The following KIAA1586 variants were observed in gnomAD, a reference collection of about 807,000 sequenced individuals.
KIAA1586 encodes the protein E3 SUMO-protein ligase KIAA1586.
KIAA1586 carries 5 observed loss-of-function variants against 6.1 expected under a neutral mutation model. The observed-to-expected ratio is 0.82, with a 90% CI of 0.43 to 1.73. The LOEUF is 1.73. KIAA1586 is among the 40% of genes most tolerant of loss of function. The pLI is 0.02. For synonymous variants in KIAA1586, 280 were observed against 301.7 expected (o/e 0.93, Z 0.75); for missense variants, 899 against 878.2 (o/e 1.02, Z -0.30).
rs1278722611 is a variant in KIAA1586 at position 57,050,810 on chromosome 6, C to G, written c.142C>G (p.Leu48Val). 1 of 1,613,356 alleles carries G rather than the reference C, an allele frequency of 6.2e-7. No individual in the cohort carries two copies. The highest frequency in any genetic ancestry group is 2.2e-5 in the East Asian group (1 of 44,848). The change falls in exon 3 of 4, where the codon CTG (leucine) becomes GTG (valine). Residue 48 changes from leucine (L) to valine (V), a missense_variant. Coordinates refer to ENST00000370733, the MANE Select transcript of KIAA1586 (RefSeq NM_020931.4). ...GAGACCTGTTCTTGAATACATCGAT[C>G]TGGTCTGTGGTGATGATGAAAACCC... ...PSRPVLEYIDLVCGDDENPSA... is the reference protein window; with the variant it reads ...PSRPVLEYIDVVCGDDENPSA...
downstream of KIAA1586, among the ~76,000 whole-genome samples, chr6:57,058,439 C>A (rs1293447455): frequency 6.6e-6 from 1 of 152,038 alleles, no homozygotes; most frequent in East Asian, 1.9e-4. Context: ...TCTTATATAC[C>A]CTGTCAGTTG....
downstream of KIAA1586, among the ~76,000 whole-genome samples, chr6:57,059,839 A>G (rs964366659): frequency 1.3e-5 from 2 of 152,144 alleles, no homozygotes; most frequent in Non-Finnish European, 2.9e-5. Context: ...TGGCCCAACC[A>G]TTTCCCTTGA....
At chr6:57,058,316 C>A (rs1232506489), downstream of KIAA1586, among the ~76,000 whole-genome samples, 1 of 152,132 alleles carries the variant, frequency 6.6e-6, no homozygotes, top group East Asian at 1.9e-4. Context: ...ATGGTCTCTA[C>A]AACAAATTGT....
chr6:57,056,451 C>T (rs533646271), downstream of KIAA1586, among the ~76,000 whole-genome samples: 12 of 152,038 alleles, frequency 7.9e-5, no homozygotes, highest in African/African-American at 2.9e-4. Context: ...TCAGGTGATG[C>T]GCCTGCCTCA....
Position 57,054,644 on chromosome 6 carries a change from C to G in KIAA1586, c.2145C>G (p.Asn715Lys). The change falls in exon 4 of 4, where the codon AAC becomes AAG. Residue 715 changes from asparagine to lysine, a missense_variant. Coordinates refer to ENST00000370733, the MANE Select transcript of KIAA1586 (RefSeq NM_020931.4). ...AEAERGFNLM[N>K]IICTRVRNSL... ...CTGAAAGGGGTTTCAATTTAATGAA[C>G]ATAATTTGTACAAGGGTGAGAAATA... 6.3e-7 allele frequency: 1 copy of G among 1,577,264 alleles called. No homozygotes were observed. Among genetic ancestry groups the G allele is most frequent in the African/African-American group, 1.4e-5 (1 of 73,946 alleles).
the KIAA1586 span, among the ~76,000 whole-genome samples, chr6:57,062,088 C>A: frequency 6.6e-6 from 1 of 151,970 alleles, no homozygotes; most frequent in Non-Finnish European, 1.5e-5. Flanking sequence ...CGTGCCACCA[C>A]GTTGGGCTAA....
downstream of KIAA1586, among the ~76,000 whole-genome samples, chr6:57,058,489 T>C (rs1342443204): frequency 6.6e-6 from 1 of 152,218 alleles, no homozygotes; most frequent in Non-Finnish European, 1.5e-5. Flanking sequence ...TACTGTACTG[T>C]TAACTCCAAG....
Position 57,054,074 on chromosome 6 carries a change from C to A in KIAA1586, c.1575C>A (p.Asp525Glu). The change falls in exon 4 of 4, where the codon GAC (aspartate) becomes GAA (glutamate). Residue 525 changes from aspartate to glutamate, a missense_variant. Asp to Glu is a conservative substitution (Grantham distance 45). Coordinates refer to ENST00000370733, the MANE Select transcript of KIAA1586 (RefSeq NM_020931.4). ...TAGCTAACATTAATTTCTTACAAGA[C>A]CTTGCTTTAATGATTGACATTCTTG... The part of the protein sequence containing the change: ...KRLANINFLQ[D>E]LALMIDILEE... The A allele has an allele frequency of 6.2e-7, 1 of 1,610,808 alleles. No individual in the cohort carries two copies. Among genetic ancestry groups the A allele is most frequent in the African/African-American group, 1.3e-5 (1 of 74,856 alleles).
In KIAA1586 at chr6:57,046,781, G is replaced by C; in HGVS notation, c.21+5G>C. 3.7e-6 allele frequency: 6 copies of C among 1,611,006 alleles called. No homozygotes were observed. Among genetic ancestry groups the C allele is most frequent in the Non-Finnish European group, 5.1e-6 (6 of 1,179,128 alleles). On this transcript the variant is annotated splice_donor_5th_base_variant and intron_variant, in intron 1 of 3. Transcript: ENST00000370733. ...ATGGGAGACCCGGGGTCGGAAGTGA[G>C]TAGTCGAGTGAGGGTCCTGGCGTTC...
At chr6:57,066,563 T>G in the KIAA1586 span, among the ~76,000 whole-genome samples, 1 of 152,182 alleles carries the variant, frequency 6.6e-6, no homozygotes, top group African/African-American at 2.4e-5. Flanking sequence ...TTTTCCTGGC[T>G]GATAATGTTT....
downstream of KIAA1586, among the ~76,000 whole-genome samples, chr6:57,060,090 A>G (rs1828545623): frequency 1.3e-5 from 2 of 152,182 alleles, no homozygotes; most frequent in Non-Finnish European, 2.9e-5. Flanking sequence ...GATAACTTTT[A>G]TTAGGAAGAC....
At chr6:57,050,709 T>A in intron 2 of KIAA1586, 65 bp from the exon 3 acceptor site, 1 of 1,132,530 alleles carries the variant, frequency 8.8e-7, no homozygotes, top group Non-Finnish European at 1.3e-6. Flanking sequence ...TCCCACTGAT[T>A]GTTAAATTTA....
the KIAA1586 span, among the ~76,000 whole-genome samples, chr6:57,062,186 C>T: frequency 1.3e-5 from 2 of 152,318 alleles, no homozygotes; most frequent in African/African-American, 4.8e-5. Flanking sequence ...TGACCTTGGC[C>T]TCCAAAAGTT....
At chr6:57,056,542 GT>G (rs70989753), downstream of KIAA1586, among the ~76,000 whole-genome samples, 250 of 140,764 alleles carry the variant, frequency 1.8e-3, no homozygotes, top group African/African-American at 2.3e-3. Flanking sequence ...AAGAATTAGG[GT>G]TTTTTTTTTT....
rs1050259882 is a variant in KIAA1586, at chr6:57,053,982, G to A, written c.1483G>A (p.Val495Ile). The part of the protein sequence containing the change: ...AACSLQAATA[V>I]WHAYPILYMH... Reference sequence around the variant, plus strand: ...ATGTAGTTTACAAGCTGCTACTGCTGTATGGCATGCATATCCTATATTATA... The same window carrying A: ...ATGTAGTTTACAAGCTGCTACTGCTATATGGCATGCATATCCTATATTATA... Residue 495 changes from valine to isoleucine, a missense_variant, in exon 4 of 4, where the codon GTA becomes ATA. By Grantham distance (29) the Val-to-Ile change is conservative (BLOSUM62 3). Transcript: ENST00000370733. 6 of 1,600,634 alleles carry A rather than the reference G, an allele frequency of 3.7e-6. No individual in the cohort carries two copies. The African/African-American group carries it at 6.7e-5, about 18-fold the overall frequency.
rs369813470 is a variant in KIAA1586, at chr6:57,053,229, G to T, written c.730G>T (p.Asp244Tyr). 3.1e-6 allele frequency: 5 copies of T among 1,597,998 alleles called. No homozygotes were observed. Among genetic ancestry groups the T allele is most frequent in the Non-Finnish European group, 4.3e-6 (5 of 1,174,086 alleles). Residue 244 changes from aspartate (D) to tyrosine (Y), a missense_variant, in exon 4 of 4, where the codon GAT becomes TAT. Asp to Tyr is a radical substitution (Grantham distance 160). Transcript: ENST00000370733. Reference sequence around the variant, plus strand: ...GCATAAACAAAATAATAAAAATATTGATGCTACTGTAAAAGTTTTCAATAC... The same window carrying T: ...GCATAAACAAAATAATAAAAATATTTATGCTACTGTAAAAGTTTTCAATAC... ...LVHKQNNKNIDATVKVFNTVY... is the reference protein window; with the variant it reads ...LVHKQNNKNIYATVKVFNTVY...
At chr6:57,055,569 A>G (rs193177151), downstream of KIAA1586, among the ~76,000 whole-genome samples, 1 of 152,220 alleles carries the variant, frequency 6.6e-6, no homozygotes, top group Non-Finnish European at 1.5e-5. Flanking sequence ...AAATTGATGT[A>G]ACATCATGTT....
In KIAA1586 at chr6:57,053,382, A is replaced by C; in HGVS notation, c.883A>C (p.Ile295Leu). ...RYSATRIAEH[I>L]AKEMKMKIFK... is the part of the protein sequence containing the mutation. ...CAGTGCAACAAGAATAGCAGAACAT[A>C]TTGCAAAAGAAATGAAGATGAAGAT... The change falls in exon 4 of 4, where the codon ATT becomes CTT. Residue 295 changes from isoleucine (I) to leucine (L), a missense_variant. By Grantham distance (5) the Ile-to-Leu change is conservative (BLOSUM62 2). Transcript: ENST00000370733. The C allele has an allele frequency of 6.2e-7, 1 of 1,609,418 alleles. No homozygotes were observed. Among genetic ancestry groups the C allele is most frequent in the Non-Finnish European group, 8.5e-7 (1 of 1,178,058 alleles).
In KIAA1586 at chr6:57,054,248, G is replaced by A. The variant is rs1828434509; in HGVS notation, c.1749G>A (p.Lys583=). 2 of 1,593,640 alleles carry A rather than the reference G, an allele frequency of 1.3e-6. No individual in the cohort carries two copies. Among genetic ancestry groups the A allele is most frequent in the Non-Finnish European group, 1.7e-6 (2 of 1,172,268 alleles). ...AATCTCAAATTGAAGATTTGATCAA[G>A]TCAGATAAGTTTAAAGATATTCCAT... ...KYESQIEDLI[K]SDKFKDIPFN... Residue 583 remains lysine (K), a synonymous_variant, in exon 4 of 4, where the codon AAG becomes AAA. Transcript: ENST00000370733.
Sources: allele counts gnomAD v4.1 joint callset (sites outside exome capture counted in the v4.1 genomes callset), GRCh38; gene constraint gnomAD v4.1.1; transcripts MANE v1.5; gene names NCBI Gene and HGNC (gene_info 2026-07-23, HGNC 2026-07-21).